The following HPGD variants were observed in gnomAD, a reference collection of about 807,000 sequenced individuals.
The protein encoded by HPGD is 15-hydroxyprostaglandin dehydrogenase.
Under a neutral mutation model 30.0 loss-of-function variants are expected in HPGD, and 29 were observed. The observed-to-expected ratio is 0.97, with a 90% CI of 0.72 to 1.32. The LOEUF (loss-of-function observed/expected upper bound fraction) is 1.32, where lower values mean the gene tolerates loss of function less well. HPGD is among the 40% of genes most tolerant of loss of function. The probability of loss-of-function intolerance (pLI) is 0.00; values close to 1 mark genes in which losing one functional copy is unlikely to be tolerated. For synonymous variants in HPGD, 99 were observed against 112.4 expected (o/e 0.88, Z 0.75); for missense variants, 340 against 322.1 (o/e 1.06, Z -0.43).
At chr4:174,519,450 C>T (rs1026389626) in intron 2 of HPGD, among the ~76,000 whole-genome samples, 5 of 152,056 alleles carry the variant, frequency 3.3e-5, no homozygotes, top group Non-Finnish European at 5.9e-5. Context: ...GGCCTCTGAG[C>T]CCAAGCTAAG....
At chr4:174,501,443 T>C (rs2110802501) in intron 4 of HPGD, among the ~76,000 whole-genome samples, 1 of 152,312 alleles carries the variant, frequency 6.6e-6, no homozygotes, top group East Asian at 1.9e-4. Context: ...TAAAAATAGA[T>C]ACCTTATATT....
At chr4:174,493,536 G>A in intron 5 of HPGD, 1 of 470,950 alleles carries the variant, frequency 2.1e-6, no homozygotes. Context: ...TTAAAAATCA[G>A]TATTACTGGA....
intron 4 of HPGD, among the ~76,000 whole-genome samples, chr4:174,503,406 A>G (rs1735020145): frequency 6.6e-6 from 1 of 152,232 alleles, no homozygotes; most frequent in East Asian, 1.9e-4. Flanking sequence ...TCATTGTTCA[A>G]CTATAAATTG....
At chr4:174,504,021 G>A (rs966970198) in intron 4 of HPGD, among the ~76,000 whole-genome samples, 5 of 152,098 alleles carry the variant, frequency 3.3e-5, no homozygotes, top group African/African-American at 9.7e-5. Flanking sequence ...ATGACACCTG[G>A]CCAATGCTTC....
upstream of HPGD, chr4:174,522,672 C>T (rs116796476): frequency 3.9e-3 from 1,810 of 464,684 alleles, 27 homozygotes; most frequent in African/African-American, 0.015. Context: ...CTTTGCCTTC[C>T]GGACTCGCAG....
intron 3 of HPGD, among the ~76,000 whole-genome samples, chr4:174,511,119 T>C (rs1560985195): frequency 6.6e-6 from 1 of 152,082 alleles, no homozygotes; most frequent in African/African-American, 2.4e-5. Context: ...AAAATAACAG[T>C]TTATAAATTA....
At chr4:174,510,459 G>A (rs938161234) in intron 3 of HPGD, among the ~76,000 whole-genome samples, 5 of 152,202 alleles carry the variant, frequency 3.3e-5, no homozygotes, top group East Asian at 1.9e-4. Flanking sequence ...CTGTTCATGC[G>A]TATTGGCACT....
Position 174,490,473 on chromosome 4 carries a change from T to A in HPGD, c.*1483A>T, listed in dbSNP as rs933812503. On this transcript the variant is annotated 3_prime_UTR_variant, in exon 7 of 7. Coordinates refer to ENST00000296522, the MANE Select transcript of HPGD (RefSeq NM_000860.6). The surrounding 1 kb of genome is among the most constrained non-coding windows in gnomAD (Gnocchi z 4.4). ...CACGACAGAGGAAAAATACAGAAGA[T>A]AAGTGATACTGGGCAAACCGACATC... is the stretch of plus-strand genomic sequence containing the variant. 1.3e-5 allele frequency: 2 copies of A among 152,346 alleles called. No homozygotes were observed. The highest frequency in any genetic ancestry group is 2.4e-5 in the African/African-American group (1 of 41,450). The allele number at this position is 152,346 out of a possible 1,614,324, so 9.4% of individuals were successfully genotyped here. A position where few individuals can be genotyped will look rare whatever the true frequency, so the allele number is the denominator to read the frequency against.
At chr4:174,498,138 A>G (rs887470640) in intron 4 of HPGD, among the ~76,000 whole-genome samples, 34 of 151,230 alleles carry the variant, frequency 2.2e-4, no homozygotes, top group African/African-American at 8.2e-4. Flanking sequence ...TGGTAGAGAT[A>G]GGATTTCACC....
chr4:174,508,934 G>T, intron 3 of HPGD, 142 bp from the exon 4 acceptor site: 1 of 667,874 alleles, frequency 1.5e-6, no homozygotes, highest in Non-Finnish European at 2.7e-6. Context: ...AAAGAGCTTT[G>T]TTTTTAAAGT....
intron 3 of HPGD, among the ~76,000 whole-genome samples, chr4:174,510,471 C>A (rs146528035): frequency 6.6e-6 from 1 of 152,226 alleles, no homozygotes; most frequent in African/African-American, 2.4e-5. Context: ...ATTGGCACTA[C>A]GCTTTTATTC....
At chr4:174,516,126 G>A (rs1181655064) in intron 3 of HPGD, among the ~76,000 whole-genome samples, 1 of 152,106 alleles carries the variant, frequency 6.6e-6, no homozygotes, top group Non-Finnish European at 1.5e-5. Context: ...ATTCAACCCA[G>A]CAACCCCATT....
At position 174,496,074 on chromosome 4, in the gene HPGD, A is replaced by G. The variant is rs1334886176; in HGVS notation, c.422-450T>C. Among the ~76,000 whole-genome samples, 1 of 152,220 alleles carries G rather than the reference A, an allele frequency of 6.6e-6. No homozygotes were observed. Among genetic ancestry groups the G allele is most frequent in the Non-Finnish European group, 1.5e-5 (1 of 68,034 alleles). On this transcript the variant is annotated intron_variant, in intron 4 of 6. Coordinates refer to ENST00000296522, the MANE Select transcript of HPGD (RefSeq NM_000860.6). The surrounding 1 kb of genome is among the most constrained non-coding windows in gnomAD (Gnocchi z 4.6). ...GAATCTTCAGAGAGTCTTGGAGATT[A>G]TTAGTCTTCACTACAAATTAGTATG...
chr4:174,516,371 C>G (rs1239713207), intron 3 of HPGD, among the ~76,000 whole-genome samples: 1 of 152,116 alleles, frequency 6.6e-6, no homozygotes, highest in Non-Finnish European at 1.5e-5. Flanking sequence ...TTATCCTAAG[C>G]AAATTAATGC....
In HPGD at chr4:174,497,568, CTTTTTTTTTTT is replaced by C. The variant is rs778825547; in HGVS notation, c.422-1955_422-1945del. ...CACTTTCTTTTCTTTCTTTTTCTTT[CTTTTTTTTTTT>C]TTTTTTTTTTTTTTTTTGAGACAGA... On this transcript the variant is annotated intron_variant, in intron 4 of 6. Coordinates refer to ENST00000296522, the MANE Select transcript of HPGD (RefSeq NM_000860.6). Among the ~76,000 whole-genome samples the C allele has an allele frequency of 3.2e-3, 165 of 51,112 alleles. 2 individuals carry two copies. The highest frequency in any genetic ancestry group is 7.6e-3 in the African/African-American group (114 of 14,970). 33.5% of individuals were successfully genotyped at this position (51,112 alleles called of 152,430 possible).
intron 2 of HPGD, 87 bp from the exon 3 acceptor site, chr4:174,518,164 G>T: frequency 1.4e-6 from 1 of 704,794 alleles, no homozygotes; most frequent in Non-Finnish European, 2.5e-6. Context: ...AGGAATTTCA[G>T]TTTATTTACC....
chr4:174,522,079 A>T lies in HPGD; in HGVS notation c.94-12T>A. On this transcript the variant is annotated splice_polypyrimidine_tract_variant and intron_variant, in intron 1 of 6. Coordinates refer to ENST00000296522, the MANE Select transcript of HPGD (RefSeq NM_000860.6). ...TCCACCAGCGCTACCTATAGACAAG[A>T]GGAGAGGAATCGCGGGCCTGCGCAG... 1 of 1,614,182 alleles carries T rather than the reference A, an allele frequency of 6.2e-7. No individual in the cohort carries two copies. Among genetic ancestry groups the T allele is most frequent in the Non-Finnish European group, 8.5e-7 (1 of 1,180,018 alleles).
At chr4:174,502,301 G>A (rs1294634659) in intron 4 of HPGD, among the ~76,000 whole-genome samples, 2 of 152,180 alleles carry the variant, frequency 1.3e-5, no homozygotes, top group Non-Finnish European at 2.9e-5. Context: ...CCGCATAATG[G>A]AACACCTTAT....
In HPGD at chr4:174,495,846, C is replaced by T. The variant is rs561486155; in HGVS notation, c.422-222G>A. 1.5e-4 allele frequency: 81 copies of T among 558,174 alleles called. No homozygotes were observed. In the East Asian group the frequency reaches 2.4e-3, roughly 16 times the overall value. 34.6% of individuals were successfully genotyped at this position (558,174 alleles called of 1,614,324 possible). A position where few individuals can be genotyped will look rare whatever the true frequency, so the allele number is the denominator to read the frequency against. On this transcript the variant is annotated intron_variant, in intron 4 of 6. Transcript: ENST00000296522. Reference sequence around the variant, plus strand: ...TCCAGAATTTATAGTAGCTAAGTTACACAGAGATACAGCCAAGAGTTATAT... The same window carrying T: ...TCCAGAATTTATAGTAGCTAAGTTATACAGAGATACAGCCAAGAGTTATAT...
Sources: allele counts gnomAD v4.1 joint callset (sites outside exome capture counted in the v4.1 genomes callset), GRCh38; gene constraint gnomAD v4.1.1; non-coding constraint Gnocchi (gnomAD v3.1); transcripts MANE v1.5; gene names NCBI Gene and HGNC (gene_info 2026-07-23, HGNC 2026-07-21).